The following CDYL2 variants were observed in gnomAD, a reference collection of about 807,000 sequenced individuals.
CDYL2 encodes chromodomain Y-like protein 2.
A neutral mutation model predicts 49.4 loss-of-function variants in CDYL2; 23 were observed. The ratio of observed to expected loss-of-function variants is 0.47; its 90% CI spans 0.34 to 0.66. The LOEUF is 0.66. Ranked by LOEUF, CDYL2 falls within the 30% of genes least tolerant of loss-of-function variation. The pLI, the probability that CDYL2 is intolerant of heterozygous loss-of-function variation, is 0.01. For missense variants in CDYL2, 678 were observed against 656.4 expected (o/e 1.03, Z -0.36); for synonymous variants, 360 against 268.8 (o/e 1.34, Z -3.32).
intron 1 of CDYL2, among the ~76,000 whole-genome samples, chr16:80,798,498 C>A (rs1907832341): frequency 6.6e-6 from 1 of 152,112 alleles, no homozygotes; most frequent in Non-Finnish European, 1.5e-5. Context: ...ACTTAATGAA[C>A]AGAAAATATA....
chr16:80,634,390 G>A (rs948192271), intron 2 of CDYL2, among the ~76,000 whole-genome samples: 8 of 152,204 alleles, frequency 5.3e-5, no homozygotes, highest in Non-Finnish European at 7.4e-5. Context: ...GCAAACTATC[G>A]CAAGGACAGA....
intron 1 of CDYL2, among the ~76,000 whole-genome samples, chr16:80,716,190 A>C (rs1363094137): frequency 7.2e-5 from 11 of 152,220 alleles, no homozygotes; most frequent in African/African-American, 2.7e-4. Flanking sequence ...CACTTCATCA[A>C]AGAGAAGCCT....
rs201437964 is a variant in CDYL2 at position 80,742,461 on chromosome 16, C to G, written c.25-57332G>C. On this transcript the variant is annotated intron_variant, in intron 1 of 6. Coordinates refer to ENST00000570137, the MANE Select transcript of CDYL2 (RefSeq NM_152342.4). ...GTGGAGGATGGATGGAGGATGGATG[C>G]ATGGATGGATGGATGGATGGATGGA... Among the ~76,000 whole-genome samples, 44 of 146,284 alleles carry G rather than the reference C, an allele frequency of 3.0e-4. No individual in the cohort carries two copies. The South Asian group carries it at 3.7e-3, about 12-fold the overall frequency.
At chr16:80,759,150 A>ATATATATATGGTGTATATAT (rs1211358459) in intron 1 of CDYL2, among the ~76,000 whole-genome samples, 1 of 80,838 alleles carries the variant, frequency 1.2e-5, no homozygotes, top group African/African-American at 5.0e-5. Context: ...GGTTTATATA[A>ATATATATATGGTGTATATAT]ATATATGGTT....
chr16:80,767,059 G>T (rs989856227), intron 1 of CDYL2, among the ~76,000 whole-genome samples: 1 of 152,098 alleles, frequency 6.6e-6, no homozygotes, highest in Non-Finnish European at 1.5e-5. Flanking sequence ...GAACTTATCA[G>T]TGTGGTCCCA....
chr16:80,697,502 G>T (rs933510919), intron 1 of CDYL2, among the ~76,000 whole-genome samples: 5 of 152,112 alleles, frequency 3.3e-5, no homozygotes, highest in African/African-American at 1.2e-4. Flanking sequence ...TTTCCTCTAA[G>T]AACTGGAACA....
intron 1 of CDYL2, among the ~76,000 whole-genome samples, chr16:80,723,154 C>A (rs58330532): frequency 1.8e-4 from 27 of 152,268 alleles, no homozygotes; most frequent in African/African-American, 6.5e-4. Context: ...GATGTGTGGT[C>A]TATAGGCCCA....
chr16:80,678,021 T>C (rs1390196103), intron 2 of CDYL2, among the ~76,000 whole-genome samples: 3 of 151,844 alleles, frequency 2.0e-5, no homozygotes, highest in Admixed American at 6.6e-5. Context: ...AAGGATTCCC[T>C]ATTTAATAAA....
chr16:80,738,456 T>C (rs1032670480), intron 1 of CDYL2, among the ~76,000 whole-genome samples: 1 of 152,174 alleles, frequency 6.6e-6, no homozygotes, highest in Non-Finnish European at 1.5e-5. Context: ...TAATGCTACA[T>C]GCTACAACTA....
At chr16:80,616,891 T>C in intron 4 of CDYL2, among the ~76,000 whole-genome samples, 1 of 152,216 alleles carries the variant, frequency 6.6e-6, no homozygotes, top group East Asian at 1.9e-4. Context: ...TCCCATTTTC[T>C]GGATGAGCTA....
At chr16:80,685,388 G>C (rs1334195436) in intron 1 of CDYL2, among the ~76,000 whole-genome samples, 1 of 152,204 alleles carries the variant, frequency 6.6e-6, no homozygotes, top group East Asian at 1.9e-4. Flanking sequence ...CGCCCAGCTG[G>C]TGGTAGCCAC....
At chr16:80,696,934 T>A (rs1418854424) in intron 1 of CDYL2, among the ~76,000 whole-genome samples, 1 of 152,096 alleles carries the variant, frequency 6.6e-6, no homozygotes, top group Non-Finnish European at 1.5e-5. Context: ...GAGTTCAAGG[T>A]TGCAGTGCCC....
intron 1 of CDYL2, among the ~76,000 whole-genome samples, chr16:80,776,419 C>A: frequency 6.6e-6 from 1 of 151,796 alleles, no homozygotes. Flanking sequence ...CACGGATATA[C>A]TAGGAAGGAG....
At chr16:80,616,700 G>A (rs1906841945) in intron 4 of CDYL2, among the ~76,000 whole-genome samples, 1 of 152,146 alleles carries the variant, frequency 6.6e-6, no homozygotes, top group Non-Finnish European at 1.5e-5. Context: ...CCACTCCCTG[G>A]TCTTAGACTC....
intron 2 of CDYL2, among the ~76,000 whole-genome samples, chr16:80,659,167 T>G (rs566523153): frequency 6.6e-6 from 1 of 152,084 alleles, no homozygotes; most frequent in African/African-American, 2.4e-5. Context: ...TATCAGCTAG[T>G]TCAGTGCATA....
intron 1 of CDYL2, among the ~76,000 whole-genome samples, chr16:80,779,170 G>A (rs74030430): frequency 0.02 from 3,067 of 152,020 alleles, 99 homozygotes; most frequent in African/African-American, 0.071. Context: ...ACATTAATCT[G>A]CCATAAATGT....
At chr16:80,774,756 A>G (rs1054300643) in intron 1 of CDYL2, among the ~76,000 whole-genome samples, 3 of 152,164 alleles carry the variant, frequency 2.0e-5, no homozygotes, top group Non-Finnish European at 4.4e-5. Context: ...TCAACACTTC[A>G]TAAGATGAAA....
At position 80,738,240 on chromosome 16, in the gene CDYL2, C is replaced by T. The variant is rs553360269; in HGVS notation, c.25-53111G>A. On this transcript the variant is annotated intron_variant, in intron 1 of 6. Transcript: ENST00000570137. ...CATAGTATTCCATGGTGTATATGTG[C>T]CACATTTTCTTTATCCAGTCTATCA... Among the ~76,000 whole-genome samples the T allele has an allele frequency of 7.9e-5, 12 of 152,230 alleles. No homozygotes were observed. In the East Asian group the frequency reaches 2.3e-3, roughly 29 times the overall value.
intron 2 of CDYL2, among the ~76,000 whole-genome samples, chr16:80,676,051 G>A (rs1424003696): frequency 6.6e-6 from 1 of 152,068 alleles, no homozygotes; most frequent in Non-Finnish European, 1.5e-5. Flanking sequence ...GGGGAGAATC[G>A]ATTCTCCCCT....
Sources: allele counts gnomAD v4.1 joint callset (sites outside exome capture counted in the v4.1 genomes callset), GRCh38; gene constraint gnomAD v4.1.1; transcripts MANE v1.5; gene names NCBI Gene and HGNC (gene_info 2026-07-23, HGNC 2026-07-21).